Variants in CNTN1 observed in about 807,000 individuals in gnomAD.
CNTN1 encodes the protein contactin 1, also known as contactin-1.
CNTN1 carries 38 observed loss-of-function variants against 126.4 expected under a neutral mutation model. The ratio of observed to expected loss-of-function variants is 0.30; its 90% confidence interval spans 0.23 to 0.39. The LOEUF (loss-of-function observed/expected upper bound fraction) is 0.39, where lower values mean the gene tolerates loss of function less well. Among genes scored for constraint, CNTN1 ranks in the 10% least tolerant of loss-of-function variants. The probability of loss-of-function intolerance (pLI) is 1.00; values close to 1 mark genes in which losing one functional copy is unlikely to be tolerated. For synonymous variants in CNTN1, 413 were observed against 422.6 expected (o/e 0.98, Z 0.28); for missense variants, 1,009 against 1,248.4 (o/e 0.81, Z 2.89).
At chr12:40,875,019 C>T (rs1158325602) in intron 1 of CNTN1, among the ~76,000 whole-genome samples, 1 of 152,058 alleles carries the variant, frequency 6.6e-6, no homozygotes, top group East Asian at 1.9e-4. Context: ...CCACATGTGC[C>T]TTTGGGCACA....
chr12:40,857,205 G>A (rs150635005), intron 1 of CNTN1, among the ~76,000 whole-genome samples: 354 of 152,116 alleles, frequency 2.3e-3, no homozygotes, highest in African/African-American at 8.3e-3. Flanking sequence ...GCTGAAGGTT[G>A]GTGCTGGTAG....
intron 3 of CNTN1, among the ~76,000 whole-genome samples, chr12:40,917,065 G>GTGGC (rs202149741): frequency 7.8e-6 from 1 of 128,100 alleles, no homozygotes; most frequent in South Asian, 3.2e-4. Context: ...TGGGGGCGGG[G>GTGGC]GGGGGGGCAG....
At chr12:40,971,667 T>A in intron 15 of CNTN1, 1 of 1,443,734 alleles carries the variant, frequency 6.9e-7, no homozygotes, top group South Asian at 1.5e-5. Context: ...AAACATACTT[T>A]GGGCATAAAT....
chr12:41,056,984 TTTATAAATA>T (rs1337532020), intron 23 of CNTN1, among the ~76,000 whole-genome samples: 1,754 of 102,084 alleles, frequency 0.017, 72 homozygotes, highest in Non-Finnish European at 0.024. Context: ...TATTTAGATA[TTTATAAATA>T]TTATAAATAT....
intron 15 of CNTN1, among the ~76,000 whole-genome samples, chr12:40,962,271 G>A (rs1566045958): frequency 6.6e-6 from 1 of 152,102 alleles, no homozygotes; most frequent in Non-Finnish European, 1.5e-5. Context: ...GTGTGTGCAT[G>A]TGTGCACGCA....
chr12:41,027,504 C>T (rs1949059526), intron 21 of CNTN1, among the ~76,000 whole-genome samples: 3 of 152,004 alleles, frequency 2.0e-5, no homozygotes, highest in Admixed American at 6.6e-5. Context: ...TGAAATGCTC[C>T]AAAAATGTTA....
chr12:40,860,173 T>C (rs1355341401), intron 1 of CNTN1, among the ~76,000 whole-genome samples: 1 of 152,144 alleles, frequency 6.6e-6, no homozygotes, highest in African/African-American at 2.4e-5. Context: ...ATATATTGCA[T>C]ACTTTATTAG....
chr12:40,816,583 CA>C (rs901879055), intron 1 of CNTN1, among the ~76,000 whole-genome samples: 60 of 150,366 alleles, frequency 4.0e-4, no homozygotes, highest in African/African-American at 1.4e-3. Flanking sequence ...TTATTTTTTT[CA>C]AAAAAACATC....
chr12:40,930,107 G>C (rs1007882148), intron 7 of CNTN1, 105 bp downstream of exon 7: 2 of 951,384 alleles, frequency 2.1e-6, no homozygotes, highest in East Asian at 4.8e-5. Flanking sequence ...GACTTTTCAG[G>C]AAGGACAATA....
rs1592275739 is a variant in CNTN1, at chr12:40,931,395, T to G, written c.703+1393T>G. Among the ~76,000 whole-genome samples, 6 of 152,046 alleles carry G rather than the reference T, an allele frequency of 3.9e-5. No homozygotes were observed. In the East Asian group the frequency reaches 1.2e-3, roughly 29 times the overall value. ...CACAAAATATTCTTCTTTCTTATAT[T>G]TTTCTCTAATCTTTTCCTAGGTATT... On this transcript the variant is annotated intron_variant, in intron 7 of 23. Transcript: ENST00000551295.
At chr12:40,743,070 AG>A (rs1938018082) in intron 1 of CNTN1, among the ~76,000 whole-genome samples, 1 of 152,056 alleles carries the variant, frequency 6.6e-6, no homozygotes, top group Non-Finnish European at 1.5e-5. Flanking sequence ...GGGGAATGGG[AG>A]GCTTCATTAA....
At chr12:40,873,781 T>C (rs1030630910) in intron 1 of CNTN1, among the ~76,000 whole-genome samples, 4 of 148,212 alleles carry the variant, frequency 2.7e-5, no homozygotes, top group African/African-American at 5.2e-5. Flanking sequence ...ATCCTCTACA[T>C]TTTTTTTTGT....
intron 1 of CNTN1, among the ~76,000 whole-genome samples, chr12:40,760,066 T>C (rs528868599): frequency 1.3e-5 from 2 of 152,224 alleles, no homozygotes; most frequent in African/African-American, 4.8e-5. Flanking sequence ...CAACCACTCC[T>C]CCAAGTTCTG....
chr12:40,993,034 C>T (rs1437182735), intron 16 of CNTN1, 86 bp from the exon 17 acceptor site: 16 of 1,240,058 alleles, frequency 1.3e-5, no homozygotes, highest in East Asian at 2.3e-5. Context: ...ATACCATTCT[C>T]CCTGAAATAG....
intron 19 of CNTN1, among the ~76,000 whole-genome samples, chr12:41,018,266 T>C (rs1948827045): frequency 6.6e-6 from 1 of 152,134 alleles, no homozygotes; most frequent in Non-Finnish European, 1.5e-5. Flanking sequence ...ATAGAAGAGC[T>C]TGAAAACTAA....
chr12:40,742,111 G>C (rs944599776), intron 1 of CNTN1, among the ~76,000 whole-genome samples: 1 of 151,972 alleles, frequency 6.6e-6, no homozygotes, highest in African/African-American at 2.4e-5. Flanking sequence ...TCACATTACA[G>C]TGGGATTTTG....
intron 23 of CNTN1, among the ~76,000 whole-genome samples, chr12:41,029,505 A>G (rs911895712): frequency 6.6e-6 from 1 of 152,162 alleles, no homozygotes; most frequent in African/African-American, 2.4e-5. Context: ...TACAGTATGG[A>G]ACATATTAGT....
At chr12:41,041,025 C>A (rs1377716333) in intron 23 of CNTN1, among the ~76,000 whole-genome samples, 1 of 144,204 alleles carries the variant, frequency 6.9e-6, no homozygotes, top group East Asian at 2.0e-4. Flanking sequence ...AGTTTTTGCC[C>A]ATTCAGTATG....
intron 1 of CNTN1, among the ~76,000 whole-genome samples, chr12:40,707,287 C>CGCCCA (rs2056845486): frequency 7.6e-6 from 1 of 131,314 alleles, no homozygotes; most frequent in African/African-American, 3.1e-5. Context: ...CTCGCTCCAT[C>CGCCCA]GCCCAGGCTG....
Sources: gnomAD v4.1 joint callset for allele counts (sites outside exome capture counted in the v4.1 genomes callset) on GRCh38, gnomAD v4.1.1 for gene constraint, MANE v1.5 for transcripts, NCBI Gene and HGNC (gene_info 2026-07-23, HGNC 2026-07-21) for gene names.